ITGB5: variants seen among roughly 807,000 people sequenced by gnomAD.
The protein encoded by ITGB5 is integrin beta-5.
A neutral mutation model predicts 84.8 loss-of-function variants in ITGB5; 38 were observed. That is an observed-to-expected ratio of 0.45 (90% confidence interval 0.35 to 0.59). ITGB5 has a LOEUF of 0.59. Among genes scored for constraint, ITGB5 ranks in the 20% least tolerant of loss-of-function variants. The pLI is 0.01. For synonymous variants in ITGB5, 393 were observed against 414.4 expected (o/e 0.95, Z 0.63); for missense variants, 905 against 1,034.5 (o/e 0.87, Z 1.72).
chr3:124,795,257 T>TGAG (rs34217325), intron 10 of ITGB5, among the ~76,000 whole-genome samples: 52,069 of 151,618 alleles, frequency 0.34, 10,869 homozygotes, highest in African/African-American at 0.58. Flanking sequence ...TTTGGGAGGC[T>TGAG]GTGGATGGAT....
intron 3 of ITGB5, 52 bp downstream of exon 3, chr3:124,859,190 C>T (rs1481019109): frequency 6.5e-7 from 1 of 1,549,832 alleles, no homozygotes; most frequent in Non-Finnish European, 8.9e-7. Flanking sequence ...CCCACCTCCC[C>T]CATGGGCCTT....
chr3:124,899,055 A>C (rs951839719), intron 1 of ITGB5, among the ~76,000 whole-genome samples: 1 of 151,752 alleles, frequency 6.6e-6, no homozygotes. Context: ...AGCCTGGGTG[A>C]TAAGAGTGAG....
intron 11 of ITGB5, among the ~76,000 whole-genome samples, chr3:124,770,456 A>C (rs1264099160): frequency 3.3e-5 from 5 of 152,144 alleles, no homozygotes; most frequent in African/African-American, 9.7e-5. Context: ...AAAAATACAG[A>C]GGGATGTGCA....
intron 5 of ITGB5, among the ~76,000 whole-genome samples, chr3:124,834,403 T>C (rs1038288074): frequency 1.4e-5 from 2 of 142,624 alleles, no homozygotes; most frequent in East Asian, 2.0e-4. Context: ...AAATAAAATC[T>C]ACTGAAAGAA....
intron 10 of ITGB5, among the ~76,000 whole-genome samples, chr3:124,785,461 T>C (rs1292548514): frequency 6.6e-6 from 1 of 151,792 alleles, no homozygotes; most frequent in African/African-American, 2.4e-5. Flanking sequence ...GGCAGGCGCC[T>C]GTAATCCCAG....
rs773595147 is a variant in ITGB5 at position 124,773,846 on chromosome 3, C to CAGTT, written c.1756_1759dup (p.Cys587Ter). ...CCGGCATGTGCTGATGTCTGTCGAG[C>CAGTT]AGTTACAGTTGTCCCCGATGTAACC... is the stretch of plus-strand genomic sequence containing the variant. On this transcript the variant is annotated stop_gained and frameshift_variant, in exon 11 of 15. Coordinates refer to ENST00000296181, the MANE Select transcript of ITGB5 (RefSeq NM_002213.5). LOFTEE classifies it high-confidence loss of function. The CAGTT allele has an allele frequency of 2.5e-6, 4 of 1,614,184 alleles. No individual in the cohort carries two copies. The highest frequency in any genetic ancestry group is 2.5e-6 in the Non-Finnish European group (3 of 1,180,044).
upstream of ITGB5, among the ~76,000 whole-genome samples, chr3:124,889,169 A>G (rs955892901): frequency 6.6e-6 from 1 of 152,138 alleles, no homozygotes; most frequent in Non-Finnish European, 1.5e-5. Context: ...GACAGACAGA[A>G]CTCAAAGTCA....
In ITGB5 at chr3:124,762,848, AC is replaced by A. The variant is rs1413832748; in HGVS notation, c.*774del. 6.6e-6 allele frequency: 1 copy of A among 152,266 alleles called. No homozygotes were observed. The highest frequency in any genetic ancestry group is 1.5e-5 in the Non-Finnish European group (1 of 68,090). 9.4% of individuals were successfully genotyped at this position (152,266 alleles called of 1,614,324 possible). On this transcript the variant is annotated 3_prime_UTR_variant, in exon 15 of 15. Transcript: ENST00000296181. ...GACAAGCTGCAGTCTGGAGTATCAG[AC>A]CAGCCTGTGTCCCATCCCTGAGGAA... is the stretch of plus-strand genomic sequence containing the variant.
chr3:124,768,264 C>T (rs1279266053), intron 12 of ITGB5, among the ~76,000 whole-genome samples: 2 of 152,182 alleles, frequency 1.3e-5, no homozygotes, highest in Non-Finnish European at 2.9e-5. Flanking sequence ...TTTCAAGGTG[C>T]ATAATTTCCC....
intron 2 of ITGB5, among the ~76,000 whole-genome samples, chr3:124,864,260 C>A (rs895153898): frequency 6.6e-6 from 1 of 151,436 alleles, no homozygotes; most frequent in African/African-American, 2.4e-5. Context: ...GTGCCCGCCA[C>A]CACGCCCAGT....
chr3:124,871,135 CTCACCTCAGCT>C (rs1350372054), intron 2 of ITGB5, among the ~76,000 whole-genome samples: 6 of 152,112 alleles, frequency 3.9e-5, no homozygotes, highest in African/African-American at 1.4e-4. Flanking sequence ...AAGCAATCCA[CTCACCTCAGCT>C]TCCCAAAGTG....
chr3:124,796,906 C>G, intron 9 of ITGB5, 89 bp from the exon 10 acceptor site: 1 of 1,315,940 alleles, frequency 7.6e-7, no homozygotes, highest in Non-Finnish European at 1.0e-6. Context: ...TGAAGAGCAG[C>G]TGCGAACTCC....
chr3:124,897,253 G>T (rs1579354759), intron 1 of ITGB5, among the ~76,000 whole-genome samples: 1 of 152,196 alleles, frequency 6.6e-6, no homozygotes, highest in African/African-American at 2.4e-5. Context: ...GTTTGTTTTT[G>T]TTGTTATTGT....
chr3:124,859,256 A>C lies in ITGB5; in HGVS notation c.347T>G (p.Val116Gly). 6.2e-7 allele frequency: 1 copy of C among 1,613,880 alleles called. No individual in the cohort carries two copies. Among genetic ancestry groups the C allele is most frequent in the Non-Finnish European group, 8.5e-7 (1 of 1,179,904 alleles). ...VIQMTPQEIA[V>G]NLRPGDKTTF... is the part of the protein sequence containing the mutation. ...GGGCAACTCACCGGGCCGGAGGTTC[A>C]CGGCAATCTCCTGTGGTGTCATCTG... Residue 116 changes from valine (V) to glycine (G), a missense_variant, in exon 3 of 15, where the codon GTG (valine) becomes GGG (glycine). Physicochemically the swap from Val to Gly is moderately radical, Grantham distance 109. Coordinates refer to ENST00000296181, the MANE Select transcript of ITGB5 (RefSeq NM_002213.5).
chr3:124,839,117 G>C (rs1303138391), intron 5 of ITGB5, among the ~76,000 whole-genome samples: 1 of 152,210 alleles, frequency 6.6e-6, no homozygotes, highest in Non-Finnish European at 1.5e-5. Context: ...GGCAAAGAGA[G>C]ATGCTGGAGG....
In ITGB5 at chr3:124,873,396, C is replaced by T. The variant is rs1046277841; in HGVS notation, c.156+50G>A. 6.2e-6 allele frequency: 8 copies of T among 1,283,538 alleles called. No homozygotes were observed. The Admixed American group carries it at 1.0e-4, about 16-fold the overall frequency. 79.5% of individuals were successfully genotyped at this position (1,283,538 alleles called of 1,614,324 possible). A position where few individuals can be genotyped will look rare whatever the true frequency, so the allele number is the denominator to read the frequency against. ...GTGGTGTTGGCCTCCTTCTCACCCT[C>T]ACCCTCGCAGCATTCCTTCCCTTCT... On this transcript the variant is annotated intron_variant, in intron 2 of 14. Coordinates refer to ENST00000296181, the MANE Select transcript of ITGB5 (RefSeq NM_002213.5).
At chr3:124,766,066 A>G (rs1377499556) in intron 13 of ITGB5, among the ~76,000 whole-genome samples, 160 bp downstream of exon 13, 1 of 151,742 alleles carries the variant, frequency 6.6e-6, no homozygotes, top group East Asian at 1.9e-4. Context: ...TGTCAAAAAA[A>G]AAAAAAAAAA....
chr3:124,901,046 G>C (rs1413741373), intron 1 of ITGB5, among the ~76,000 whole-genome samples: 1 of 152,258 alleles, frequency 6.6e-6, no homozygotes, highest in East Asian at 1.9e-4. Context: ...GGAATAAAGA[G>C]ACCAACCAAG....
chr3:124,835,801 C>A (rs1351838519), intron 5 of ITGB5, among the ~76,000 whole-genome samples: 2 of 152,192 alleles, frequency 1.3e-5, no homozygotes, highest in South Asian at 2.1e-4. Context: ...CGAGTCAATT[C>A]TGCAGGAACT....
Sources: gnomAD v4.1 joint callset for allele counts (sites outside exome capture counted in the v4.1 genomes callset) on GRCh38, gnomAD v4.1.1 for gene constraint, MANE v1.5 for transcripts, NCBI Gene and HGNC (gene_info 2026-07-23, HGNC 2026-07-21) for gene names.